CADPS: variants seen among roughly 807,000 people sequenced by gnomAD.
The protein encoded by CADPS is calcium dependent secretion activator, also known as calcium-dependent secretion activator 1.
In CADPS, 57 loss-of-function variants were observed where a neutral mutation model predicts 167.3. That is an observed-to-expected ratio of 0.34 (90% confidence interval 0.28 to 0.42). The LOEUF (loss-of-function observed/expected upper bound fraction) is 0.42, where lower values mean the gene tolerates loss of function less well. Among genes scored for constraint, CADPS ranks in the 20% least tolerant of loss-of-function variants. CADPS has a pLI of 1.00. For synonymous variants in CADPS, 676 were observed against 635.3 expected (o/e 1.06, Z -0.96); for missense variants, 1,414 against 1,738.1 (o/e 0.81, Z 3.32).
At chr3:62,651,978 C>T (rs892980911) in intron 4 of CADPS, among the ~76,000 whole-genome samples, 1 of 152,036 alleles carries the variant, frequency 6.6e-6, no homozygotes, top group Non-Finnish European at 1.5e-5. Flanking sequence ...GGGGTAGACC[C>T]AGCTTCAGGA....
intron 28 of CADPS, among the ~76,000 whole-genome samples, chr3:62,426,174 T>A (rs1347764164): frequency 6.6e-6 from 1 of 152,144 alleles, no homozygotes; most frequent in East Asian, 1.9e-4. Context: ...TTTTTTTAGA[T>A]AGAGTCTAGC....
At chr3:62,823,515 A>G (rs1455864996) in intron 1 of CADPS, among the ~76,000 whole-genome samples, 1 of 152,198 alleles carries the variant, frequency 6.6e-6, no homozygotes, top group Non-Finnish European at 1.5e-5. Flanking sequence ...TTAAAAAAAT[A>G]TAAGAAAAGT....
chr3:62,687,708 A>T (rs1271235761), intron 3 of CADPS, among the ~76,000 whole-genome samples: 3 of 139,352 alleles, frequency 2.2e-5, no homozygotes, highest in Non-Finnish European at 3.1e-5. Context: ...TTGAGTTTTC[A>T]TTGCTACTTC....
intron 3 of CADPS, among the ~76,000 whole-genome samples, chr3:62,682,233 T>G (rs2077257977): frequency 6.6e-6 from 1 of 152,058 alleles, no homozygotes; most frequent in South Asian, 2.1e-4. Context: ...TCCACTTTTT[T>G]TGGAAATTAA....
intron 16 of CADPS, among the ~76,000 whole-genome samples, chr3:62,513,151 C>G (rs2068215709): frequency 6.6e-6 from 1 of 152,032 alleles, no homozygotes; most frequent in Admixed American, 6.6e-5. Context: ...AGACAGGAGG[C>G]ATATAAGATC....
chr3:62,617,224 A>G (rs1315302283), intron 6 of CADPS, among the ~76,000 whole-genome samples: 3 of 152,186 alleles, frequency 2.0e-5, no homozygotes, highest in Admixed American at 1.3e-4. Flanking sequence ...ACAATGAGCC[A>G]ATAAATGAAA....
chr3:62,755,929 G>A (rs2083784601), intron 2 of CADPS, among the ~76,000 whole-genome samples: 2 of 152,134 alleles, frequency 1.3e-5, no homozygotes, highest in South Asian at 4.1e-4. Context: ...GGAAGTCTCT[G>A]GAAAGGCAAT....
At chr3:62,509,297 AAAAAAAAAAAGAAAG>A (rs1348370625) in intron 17 of CADPS, among the ~76,000 whole-genome samples, 13 of 104,956 alleles carry the variant, frequency 1.2e-4, no homozygotes, top group South Asian at 8.4e-4. Flanking sequence ...GTCTCAAAAA[AAAAAAAAAAAGAAAG>A]AAAGAAAGAA....
At chr3:62,724,409 A>G (rs2076368734) in intron 3 of CADPS, among the ~76,000 whole-genome samples, 1 of 91,970 alleles carries the variant, frequency 1.1e-5, no homozygotes, top group Admixed American at 9.4e-5. Flanking sequence ...AGAAACAATA[A>G]CAGTTTAAAA....
chr3:62,839,816 C>T (rs2076391560), intron 1 of CADPS, among the ~76,000 whole-genome samples: 1 of 152,126 alleles, frequency 6.6e-6, no homozygotes, highest in Admixed American at 6.6e-5. Context: ...ATGCATCAAA[C>T]AGTTAAGAGA....
Position 62,592,688 on chromosome 3 carries a change from C to T in CADPS, c.1386G>A (p.Leu462=), listed in dbSNP as rs2086323016. The change falls in exon 7 of 30, where the codon CTG becomes CTA. Residue 462 remains leucine, a synonymous_variant. Transcript: ENST00000383710. ...THALPAVKVK[L]FTESTGVLAL... ...CCAGGACGCCTGTGCTCTCTGTGAA[C>T]AGCTTCACCTTCACAGCTGGCAGTG... The T allele has an allele frequency of 1.5e-5, 24 of 1,614,158 alleles. No homozygotes were observed. The highest frequency in any genetic ancestry group is 2.0e-5 in the Non-Finnish European group (24 of 1,179,982).
intron 10 of CADPS, among the ~76,000 whole-genome samples, chr3:62,551,468 C>T (rs62243511): frequency 6.6e-6 from 1 of 152,136 alleles, no homozygotes; most frequent in Non-Finnish European, 1.5e-5. Flanking sequence ...ACCTGTCTGC[C>T]TCCATCCTCA....
At chr3:62,562,384 A>G (rs987403788) in intron 9 of CADPS, among the ~76,000 whole-genome samples, 16 of 152,230 alleles carry the variant, frequency 1.1e-4, no homozygotes, top group African/African-American at 3.9e-4. Flanking sequence ...TTTCAGATCC[A>G]TTATTTTCTA....
At chr3:62,654,332 C>T (rs565700861) in intron 4 of CADPS, among the ~76,000 whole-genome samples, 1 of 152,196 alleles carries the variant, frequency 6.6e-6, no homozygotes, top group East Asian at 1.9e-4. Context: ...AAGGTAGGTA[C>T]TGTAATGGAA....
intron 13 of CADPS, among the ~76,000 whole-genome samples, chr3:62,525,705 A>ATG (rs1349516596): frequency 8.4e-5 from 10 of 119,296 alleles, no homozygotes; most frequent in South Asian, 2.8e-4. Context: ...GTGTGTGTGT[A>ATG]TGTGTGTGTG....
intron 1 of CADPS, among the ~76,000 whole-genome samples, chr3:62,836,927 C>T (rs1021077885): frequency 6.6e-6 from 1 of 152,092 alleles, no homozygotes; most frequent in African/African-American, 2.4e-5. Context: ...TGGAATATAG[C>T]TCCCTCAGCC....
intron 1 of CADPS, among the ~76,000 whole-genome samples, chr3:62,797,354 C>T (rs2093488039): frequency 6.6e-6 from 1 of 152,066 alleles, no homozygotes; most frequent in Non-Finnish European, 1.5e-5. Flanking sequence ...GACTGCTCCC[C>T]TCCCAGCACT....
rs142073275 is a variant in CADPS, at chr3:62,462,055, GCTTGCCCTCTT to G, written c.3636+3301_3636+3311del. Among the ~76,000 whole-genome samples, 1,235 of 152,344 alleles carry G rather than the reference GCTTGCCCTCTT, an allele frequency of 8.1e-3. 11 individuals are homozygous for G. The highest frequency in any genetic ancestry group is 0.027 in the African/African-American group (1,141 of 41,580). On this transcript the variant is annotated intron_variant, in intron 26 of 29. Transcript: ENST00000383710. Reference sequence around the variant, plus strand: ...TTCTGTGGGAGGAACCTGGGTACCTGCTTGCCCTCTTCTTGGCCTCCTAAAAGAACAGCGAG... The same window carrying G: ...TTCTGTGGGAGGAACCTGGGTACCTGCTTGGCCTCCTAAAAGAACAGCGAG...
At chr3:62,406,508 A>T (rs1708554571) in intron 28 of CADPS, among the ~76,000 whole-genome samples, 1 of 152,228 alleles carries the variant, frequency 6.6e-6, no homozygotes, top group South Asian at 2.1e-4. Context: ...ACACCTGGGC[A>T]CTAACTTTTC....
Sources: allele counts gnomAD v4.1 joint callset (sites outside exome capture counted in the v4.1 genomes callset), GRCh38; gene constraint gnomAD v4.1.1; transcripts MANE v1.5; gene names NCBI Gene and HGNC (gene_info 2026-07-23, HGNC 2026-07-21).